C13orf46: variants seen among roughly 807,000 people sequenced by gnomAD.
The protein encoded by C13orf46 is uncharacterized protein C13orf46.
At chr13:113,943,041 C>T in the C13orf46 span, among the ~76,000 whole-genome samples, 19 of 152,212 alleles carry the variant, frequency 1.2e-4, no homozygotes, top group Admixed American at 9.8e-4. Flanking sequence ...CCCTGACAGT[C>T]CCACTGAGGC....
the C13orf46 span, among the ~76,000 whole-genome samples, chr13:113,935,186 G>A: frequency 6.6e-6 from 1 of 152,214 alleles, no homozygotes; most frequent in Non-Finnish European, 1.5e-5. Context: ...GCCTTCCTGA[G>A]GCCTCAGCCT....
At chr13:113,927,777 G>A in the C13orf46 span, 6 of 395,892 alleles carry the variant, frequency 1.5e-5, no homozygotes, top group Admixed American at 4.4e-5. Flanking sequence ...ACTCCCACTC[G>A]GAGGATGATT....
At chr13:113,972,231 C>T (rs141538998) in intron 1 of C13orf46, among the ~76,000 whole-genome samples, 3 of 152,318 alleles carry the variant, frequency 2.0e-5, no homozygotes, top group African/African-American at 4.8e-5. Context: ...GCAGCCTTGG[C>T]GTAACTTATT....
the C13orf46 span, among the ~76,000 whole-genome samples, chr13:113,939,682 C>G: frequency 6.6e-6 from 1 of 152,322 alleles, no homozygotes; most frequent in Admixed American, 6.5e-5. Context: ...TCACCCCTGA[C>G]AGGGAGGCTG....
At chr13:113,959,031 A>G (rs1302021129) in intron 6 of C13orf46, among the ~76,000 whole-genome samples, 2 of 148,530 alleles carry the variant, frequency 1.3e-5, no homozygotes, top group Admixed American at 6.7e-5. Context: ...TAATCCCAGC[A>G]CTTGGGAGGT....
chr13:113,971,651 G>A lies in C13orf46; in HGVS notation c.191-1429C>T, dbSNP rs1054170649. On this transcript the variant is annotated intron_variant, in intron 1 of 6. Transcript: ENST00000636427. ...GCCCCCGTGAAGTCGGCCACCCCACGTCTCCCGCATCCCGGAGGCCTCCCT... is the reference window on the plus strand; with the variant it reads ...GCCCCCGTGAAGTCGGCCACCCCACATCTCCCGCATCCCGGAGGCCTCCCT... Among the ~76,000 whole-genome samples the A allele has an allele frequency of 6.6e-5, 10 of 152,320 alleles. No homozygotes were observed. In the South Asian group the frequency reaches 1.0e-3, roughly 16 times the overall value.
intron 5 of C13orf46, among the ~76,000 whole-genome samples, chr13:113,966,509 TGGTGATGATGGTGAA>T (rs1399682871): frequency 1.3e-4 from 19 of 148,468 alleles, no homozygotes; most frequent in African/African-American, 1.3e-4. Flanking sequence ...ATTATAATGG[TGGTGATGATGGTGAA>T]GGTGATGATG....
intron 5 of C13orf46, among the ~76,000 whole-genome samples, chr13:113,965,971 TTGGTGATGA>T (rs2052639244): frequency 6.9e-6 from 1 of 144,392 alleles, no homozygotes. Flanking sequence ...GATTATAATG[TTGGTGATGA>T]TGGTGACAGT....
the C13orf46 span, among the ~76,000 whole-genome samples, chr13:113,940,037 G>C: frequency 6.6e-6 from 1 of 152,340 alleles, no homozygotes; most frequent in Admixed American, 6.5e-5. Flanking sequence ...GCCGTGATCA[G>C]GGGAGGCATT....
the C13orf46 span, among the ~76,000 whole-genome samples, chr13:113,945,652 GAAAGAAAGAAAGAAAGAA>G: frequency 1.2e-4 from 17 of 138,256 alleles, no homozygotes; most frequent in Admixed American, 3.6e-4. Flanking sequence ...AAGAAAGAAA[GAAAGAAAGAAAGAAAGAA>G]AGGAAAGAAA....
At chr13:113,959,198 G>A (rs1337017930) in intron 6 of C13orf46, among the ~76,000 whole-genome samples, 2 of 152,208 alleles carry the variant, frequency 1.3e-5, no homozygotes, top group Non-Finnish European at 2.9e-5. Flanking sequence ...CTTGAGCCCA[G>A]GGGGTGGAGG....
the C13orf46 span, among the ~76,000 whole-genome samples, chr13:113,945,171 G>C: frequency 6.6e-6 from 1 of 152,090 alleles, no homozygotes; most frequent in African/African-American, 2.4e-5. Flanking sequence ...GGCCGTTCCG[G>C]GTTTCATGGG....
At chr13:113,936,112 A>G in the C13orf46 span, among the ~76,000 whole-genome samples, 4 of 152,220 alleles carry the variant, frequency 2.6e-5, no homozygotes, top group Admixed American at 1.3e-4. Context: ...ACAGACCTCA[A>G]TGAAGAGCCG....
the C13orf46 span, among the ~76,000 whole-genome samples, chr13:113,943,911 C>T: frequency 2.0e-5 from 3 of 152,188 alleles, no homozygotes; most frequent in East Asian, 1.9e-4. Flanking sequence ...TCCACGAGCG[C>T]GCCTCCTCCA....
chr13:113,937,859 T>C, the C13orf46 span, among the ~76,000 whole-genome samples: 19,500 of 152,202 alleles, frequency 0.13, 1,435 homozygotes, highest in Non-Finnish European at 0.16. Context: ...CTCAGTGAAA[T>C]GAGGGCAGAG....
intron 4 of C13orf46, among the ~76,000 whole-genome samples, chr13:113,968,056 G>A (rs957675907): frequency 5.3e-5 from 8 of 152,138 alleles, no homozygotes; most frequent in Non-Finnish European, 1.0e-4. Flanking sequence ...TTGTGTTACC[G>A]TCCCCACCAC....
chr13:113,929,043 G>T, the C13orf46 span, among the ~76,000 whole-genome samples: 1 of 152,236 alleles, frequency 6.6e-6, no homozygotes, highest in Non-Finnish European at 1.5e-5. Context: ...CAAGTCAGGA[G>T]GTAATAACCG....
chr13:113,938,935 G>C, the C13orf46 span, among the ~76,000 whole-genome samples: 2 of 152,014 alleles, frequency 1.3e-5, no homozygotes, highest in Non-Finnish European at 2.9e-5. Flanking sequence ...GCCCTGCTGT[G>C]CACACCACAG....
At chr13:113,949,928 GCTCCCATCT>G, downstream of C13orf46, among the ~76,000 whole-genome samples, 2 of 151,380 alleles carry the variant, frequency 1.3e-5, no homozygotes, top group African/African-American at 4.9e-5. Context: ...AGACCTCAGT[GCTCCCATCT>G]GGAGAATACG....
Sources: allele counts gnomAD v4.1 joint callset (sites outside exome capture counted in the v4.1 genomes callset), GRCh38; gene constraint gnomAD v4.1.1; transcripts MANE v1.5; gene names NCBI Gene and HGNC (gene_info 2026-07-23, HGNC 2026-07-21).